Variants in GRHL3 observed in about 807,000 individuals in gnomAD.
GRHL3 encodes the protein grainyhead like transcription factor 3.
Under a neutral mutation model 70.3 loss-of-function variants are expected in GRHL3, and 20 were observed. The ratio of observed to expected loss-of-function variants is 0.28; its 90% confidence interval spans 0.20 to 0.41. The LOEUF is 0.41. Among genes scored for constraint, GRHL3 ranks in the 10% least tolerant of loss-of-function variants. GRHL3 has a pLI of 1.00. For synonymous variants in GRHL3, 299 were observed against 299.9 expected (o/e 1.00, Z 0.03); for missense variants, 637 against 762.3 (o/e 0.84, Z 1.94).
In GRHL3 at chr1:24,343,097, C is replaced by G. The variant is rs1313321909; in HGVS notation, c.1419+72C>G. On this transcript the variant is annotated intron_variant, in intron 11 of 15. Coordinates refer to ENST00000361548, the MANE Select transcript of GRHL3 (RefSeq NM_198173.3). Reference sequence around the variant, plus strand: ...GGCTCCTAGGTGGGGCCTGCCTTAGCACAGACCAGTGGGGAGCAGCCTGCC... The same window carrying G: ...GGCTCCTAGGTGGGGCCTGCCTTAGGACAGACCAGTGGGGAGCAGCCTGCC... 1.6e-5 allele frequency: 25 copies of G among 1,585,132 alleles called. No homozygotes were observed. In the East Asian group the frequency reaches 4.9e-4, roughly 31 times the overall value.
In GRHL3 at chr1:24,337,701, C is replaced by T. The variant is rs150142672; in HGVS notation, c.752C>T (p.Ala251Val). Reference sequence around the variant, plus strand: ...ATCAAGTCAGGCGAGTCACCCATGGCCTACCTCAACAAAGGCCAGTTCTAC... The same window carrying T: ...ATCAAGTCAGGCGAGTCACCCATGGTCTACCTCAACAAAGGCCAGTTCTAC... ...IHIKSGESPM[A>V]YLNKGQFYPV... Residue 251 changes from alanine to valine, a missense_variant, in exon 6 of 16, where the codon GCC (alanine) becomes GTC (valine). By Grantham distance (64) the Ala-to-Val change is moderately conservative (BLOSUM62 0). Around this residue, in one of 2 missense-constraint regions of GRHL3, gnomAD observed 387 missense variants for 513.8 expected, o/e 0.75. Coordinates refer to ENST00000361548, the MANE Select transcript of GRHL3 (RefSeq NM_198173.3). 4.3e-6 allele frequency: 7 copies of T among 1,614,192 alleles called. No individual in the cohort carries two copies. The highest frequency in any genetic ancestry group is 4.0e-5 in the African/African-American group (3 of 75,046).
intron 12 of GRHL3, 91 bp downstream of exon 12, chr1:24,345,022 T>C: frequency 1.2e-5 from 13 of 1,092,808 alleles, no homozygotes; most frequent in Non-Finnish European, 1.6e-5. Context: ...GCCACACCTG[T>C]GCCCCCTCTA....
In GRHL3 at chr1:24,334,603, G is replaced by A. The variant is rs1381899630; in HGVS notation, c.205-42G>A. 6 of 1,549,578 alleles carry A rather than the reference G, an allele frequency of 3.9e-6. No homozygotes were observed. The highest frequency in any genetic ancestry group is 1.7e-5 in the Admixed American group (1 of 58,322). On this transcript the variant is annotated intron_variant, in intron 2 of 15. Transcript: ENST00000361548. The surrounding 1 kb of genome is among the most constrained non-coding windows in gnomAD (Gnocchi z 4.3). ...GAGGGGATTGAGGCTCCTACCAGCA[G>A]AAGCTTAGCCATGCATAAATCCTTC...
intron 1 of GRHL3, among the ~76,000 whole-genome samples, chr1:24,325,563 CAGAAG>C (rs1473614238): frequency 6.6e-6 from 1 of 152,202 alleles, no homozygotes; most frequent in African/African-American, 2.4e-5. Flanking sequence ...CATTTTGACT[CAGAAG>C]AGACTTGTTG....
intron 3 of GRHL3, among the ~76,000 whole-genome samples, chr1:24,335,211 A>G (rs1036570000): frequency 2.0e-5 from 3 of 152,058 alleles, no homozygotes; most frequent in African/African-American, 4.8e-5. Context: ...CCTCTGGGAG[A>G]GGGAGACCTG....
At chr1:24,329,959 A>G (rs1175536382) in intron 1 of GRHL3, among the ~76,000 whole-genome samples, 3 of 152,246 alleles carry the variant, frequency 2.0e-5, no homozygotes, top group Non-Finnish European at 4.4e-5. Context: ...TGGTCCCCAG[A>G]CTACCAGAAT....
chr1:24,345,888 A>C (rs1640261528), intron 12 of GRHL3, among the ~76,000 whole-genome samples: 3 of 152,238 alleles, frequency 2.0e-5, no homozygotes, highest in Admixed American at 2.0e-4. Flanking sequence ...ATTTGCTGTT[A>C]TGATCAGTTT....
chr1:24,347,433 T>C (rs761876720), intron 13 of GRHL3, 35 bp from the exon 14 acceptor site: 3 of 1,544,530 alleles, frequency 1.9e-6, no homozygotes, highest in Non-Finnish European at 2.7e-6. Flanking sequence ...GTTCACATTA[T>C]CTTCCTTGCA....
intron 15 of GRHL3, among the ~76,000 whole-genome samples, chr1:24,361,425 C>T (rs1033621256): frequency 6.6e-6 from 1 of 152,042 alleles, no homozygotes; most frequent in African/African-American, 2.4e-5. Context: ...TAGTGCCTGG[C>T]TGGAGTTCTG....
intron 15 of GRHL3, among the ~76,000 whole-genome samples, chr1:24,360,690 T>G (rs994433964): frequency 6.6e-6 from 1 of 152,202 alleles, no homozygotes; most frequent in African/African-American, 2.4e-5. Context: ...CAAAACATTT[T>G]TGTACTGTGA....
intron 1 of GRHL3, among the ~76,000 whole-genome samples, chr1:24,329,009 A>C (rs148255128): frequency 2.0e-5 from 3 of 152,132 alleles, no homozygotes; most frequent in Non-Finnish European, 2.9e-5. Context: ...GGACTTGCTC[A>C]GTAAATTCTT....
intron 7 of GRHL3, among the ~76,000 whole-genome samples, 179 bp downstream of exon 7, chr1:24,338,282 C>G (rs1057146021): frequency 1.3e-5 from 2 of 152,232 alleles, no homozygotes; most frequent in African/African-American, 4.8e-5. Flanking sequence ...GGCGTCTTTT[C>G]TGTATTGCTT....
In GRHL3 at chr1:24,336,521, C is replaced by T; in HGVS notation, c.306C>T (p.Pro102=). ...TGGAATATGAGACGGACCTCACTCC[C>T]CTTGAAAGCCCCACACACCTCATGA... is the stretch of plus-strand genomic sequence containing the variant. ...HGMEYETDLT[P]LESPTHLMKF... is the part of the protein sequence containing the mutation. The change falls in exon 4 of 16, where the codon CCC becomes CCT. Residue 102 remains proline (P), a synonymous_variant. Transcript: ENST00000361548. 1.9e-6 allele frequency: 3 copies of T among 1,605,824 alleles called. No homozygotes were observed. The highest frequency in any genetic ancestry group is 2.6e-6 in the Non-Finnish European group (3 of 1,174,820).
At chr1:24,328,604 G>A (rs989707359) in intron 1 of GRHL3, among the ~76,000 whole-genome samples, 3 of 152,206 alleles carry the variant, frequency 2.0e-5, no homozygotes, top group African/African-American at 7.2e-5. Flanking sequence ...CATCAAAGCT[G>A]ATAATGGTCA....
rs540595137 is a variant in GRHL3 at position 24,322,460 on chromosome 1, C to G, written c.17+2892C>G. 6.6e-6 allele frequency among the ~76,000 whole-genome samples: 1 copy of G among 152,204 alleles called. No individual in the cohort carries two copies. The highest frequency in any genetic ancestry group is 6.5e-5 in the Admixed American group (1 of 15,286). Reference sequence around the variant, plus strand: ...ATGATTGCCAGGAGCAAATTTTTGTCGTGCACGAGGTGTGTTATTAAAAGT... The same window carrying G: ...ATGATTGCCAGGAGCAAATTTTTGTGGTGCACGAGGTGTGTTATTAAAAGT... On this transcript the variant is annotated intron_variant, in intron 1 of 15. Coordinates refer to ENST00000361548, the MANE Select transcript of GRHL3 (RefSeq NM_198173.3). The surrounding 1 kb of genome is among the most constrained non-coding windows in gnomAD (Gnocchi z 4.4).
Position 24,322,849 on chromosome 1 carries a change from C to T in GRHL3, c.17+3281C>T, listed in dbSNP as rs181542523. On this transcript the variant is annotated intron_variant, in intron 1 of 15. Coordinates refer to ENST00000361548, the MANE Select transcript of GRHL3 (RefSeq NM_198173.3). This position sits in a 1 kb window ranked among gnomAD's most constrained non-coding sequence, Gnocchi z 4.4. Reference sequence around the variant, plus strand: ...GTGTCGAGTGCTTGATAAATACACGCTCTTCTTTAAACCCTCCCAACAAAC... The same window carrying T: ...GTGTCGAGTGCTTGATAAATACACGTTCTTCTTTAAACCCTCCCAACAAAC... 2.0e-5 allele frequency among the ~76,000 whole-genome samples: 3 copies of T among 152,366 alleles called. No individual in the cohort carries two copies. The highest frequency in any genetic ancestry group is 2.0e-4 in the Admixed American group (3 of 15,310).
intron 1 of GRHL3, 60 bp from the exon 2 acceptor site, chr1:24,331,366 G>T: frequency 1.4e-6 from 2 of 1,466,208 alleles, no homozygotes; most frequent in Non-Finnish European, 1.9e-6. Context: ...GCCTGCGGCT[G>T]CCCATTCACG....
At chr1:24,357,673 G>C (rs995476516), downstream of GRHL3, 1 of 166,734 alleles carries the variant, frequency 6.0e-6, no homozygotes, top group African/African-American at 2.4e-5. Context: ...AAGCCTGCTG[G>C]GAGATCAGAA....
rs2486668 is a variant in GRHL3 at position 24,331,573 on chromosome 1, C to G, written c.165C>G (p.Asp55Glu). 269,820 of 1,613,514 alleles carry G rather than the reference C, an allele frequency of 0.17. 23,185 individuals carry two copies. Among genetic ancestry groups the G allele is most frequent in the African/African-American group, 0.2 (15,129 of 74,950 alleles). ...KAMMRVNGDDDSVAALSFLYD... is the reference protein window; with the variant it reads ...KAMMRVNGDDESVAALSFLYD... ...TGATGAGAGTCAATGGAGATGATGA[C>G]AGTGTTGCGGCCTTGAGCTTCCTCT... The change falls in exon 2 of 16, where the codon GAC becomes GAG. Residue 55 changes from aspartate to glutamate, a missense_variant. Around this residue, in one of 2 missense-constraint regions of GRHL3, gnomAD observed 250 missense variants for 248.6 expected, o/e 1.01. Transcript: ENST00000361548.
Sources: gnomAD v4.1 joint callset for allele counts (sites outside exome capture counted in the v4.1 genomes callset) on GRCh38, gnomAD v4.1.1 for gene constraint, gnomAD v4.1.1 regional missense constraint, Gnocchi (gnomAD v3.1) non-coding constraint, MANE v1.5 for transcripts, NCBI Gene and HGNC (gene_info 2026-07-23, HGNC 2026-07-21) for gene names.